MAML3: variants seen among roughly 807,000 people sequenced by gnomAD.
MAML3 encodes mastermind-like protein 3.
Under a neutral mutation model 101.9 loss-of-function variants are expected in MAML3, and 27 were observed. The observed-to-expected ratio is 0.27, with a 90% CI of 0.20 to 0.37. The LOEUF (loss-of-function observed/expected upper bound fraction) is 0.37. MAML3 is among the 10% of genes least tolerant of loss of function. MAML3 has a pLI of 1.00. For missense variants in MAML3, 1,316 were observed against 1,444.9 expected (o/e 0.91, Z 1.45); for synonymous variants, 501 against 555.9 (o/e 0.90, Z 1.39).
intron 1 of MAML3, among the ~76,000 whole-genome samples, chr4:140,043,342 T>C (rs565366438): frequency 6.6e-6 from 1 of 152,308 alleles, no homozygotes; most frequent in East Asian, 1.9e-4. Flanking sequence ...TTTCAATCTG[T>C]TTTCCTATAT....
chr4:140,019,020 C>T (rs940297737), intron 1 of MAML3, among the ~76,000 whole-genome samples: 7 of 149,720 alleles, frequency 4.7e-5, no homozygotes, highest in African/African-American at 1.7e-4. Flanking sequence ...AATTTTTTTT[C>T]TCTTTTCCAA....
At chr4:140,011,360 C>T (rs1429641474) in intron 1 of MAML3, among the ~76,000 whole-genome samples, 7 of 83,004 alleles carry the variant, frequency 8.4e-5, no homozygotes, top group African/African-American at 2.4e-4. Context: ...TTTTTTGAGA[C>T]GGAGTCTCCC....
intron 2 of MAML3, among the ~76,000 whole-genome samples, chr4:139,744,393 C>T (rs771825941): frequency 6.6e-5 from 10 of 152,144 alleles, no homozygotes; most frequent in Non-Finnish European, 1.2e-4. Flanking sequence ...AACCCACTTG[C>T]TTAATATGAT....
chr4:140,015,209 T>C (rs544445375), intron 1 of MAML3, among the ~76,000 whole-genome samples: 24 of 152,116 alleles, frequency 1.6e-4, no homozygotes, highest in South Asian at 2.1e-4. Flanking sequence ...TGTCTACTGA[T>C]GCACTTTTTA....
chr4:140,047,750 A>G (rs574114150), intron 1 of MAML3, among the ~76,000 whole-genome samples: 1 of 121,662 alleles, frequency 8.2e-6, no homozygotes. Flanking sequence ...CAGAAGATGG[A>G]CGCGCTGCTC....
intron 2 of MAML3, among the ~76,000 whole-genome samples, chr4:139,808,621 A>C (rs1730740218): frequency 6.6e-6 from 1 of 152,172 alleles, no homozygotes; most frequent in Admixed American, 6.5e-5. Context: ...GCAATGGATA[A>C]GCCTAACAAA....
chr4:139,926,929 A>C (rs1733275147), intron 1 of MAML3, among the ~76,000 whole-genome samples: 1 of 152,202 alleles, frequency 6.6e-6, no homozygotes. Context: ...TTCTCCATAG[A>C]GAAGTATTGC....
intron 1 of MAML3, among the ~76,000 whole-genome samples, chr4:139,983,865 C>T (rs1393180642): frequency 6.6e-6 from 1 of 152,130 alleles, no homozygotes; most frequent in Non-Finnish European, 1.5e-5. Flanking sequence ...ATGGTCAGCA[C>T]CCCCATGTGT....
intron 1 of MAML3, among the ~76,000 whole-genome samples, chr4:139,995,092 T>C (rs115094634): frequency 0.03 from 4,635 of 152,244 alleles, 226 homozygotes; most frequent in African/African-American, 0.1. Context: ...GTTTTTATCA[T>C]GGATGGGTGT....
intron 1 of MAML3, among the ~76,000 whole-genome samples, chr4:140,022,550 A>G (rs1726749008): frequency 1.3e-5 from 2 of 152,330 alleles, no homozygotes; most frequent in African/African-American, 4.8e-5. Context: ...CCAAAAGTGA[A>G]TATTAATAAC....
At chr4:140,042,483 A>C (rs1164787283) in intron 1 of MAML3, among the ~76,000 whole-genome samples, 1 of 151,964 alleles carries the variant, frequency 6.6e-6, no homozygotes, top group African/African-American at 2.4e-5. Flanking sequence ...AAATACAAAA[A>C]ATTAGCTGGG....
intron 2 of MAML3, among the ~76,000 whole-genome samples, chr4:139,754,932 T>C (rs1359977549): frequency 6.6e-6 from 1 of 152,232 alleles, no homozygotes; most frequent in Non-Finnish European, 1.5e-5. Context: ...GGAGCAGGCA[T>C]GGTCGGCCTC....
chr4:140,054,861 T>TG (rs1338440578), intron 1 of MAML3, among the ~76,000 whole-genome samples: 1 of 152,238 alleles, frequency 6.6e-6, no homozygotes, highest in Non-Finnish European at 1.5e-5. Context: ...GGTCAACCTA[T>TG]GCTAAAACAC....
chr4:139,763,203 C>T (rs1362224512), intron 2 of MAML3, among the ~76,000 whole-genome samples: 1 of 152,192 alleles, frequency 6.6e-6, no homozygotes, highest in African/African-American at 2.4e-5. Context: ...AGAGGAGATT[C>T]CTCCTGCCAC....
chr4:139,849,484 T>C (rs1731510696), intron 2 of MAML3, among the ~76,000 whole-genome samples: 1 of 152,176 alleles, frequency 6.6e-6, no homozygotes, highest in Non-Finnish European at 1.5e-5. Flanking sequence ...TCAAAGCTGA[T>C]AAACAGGTTA....
chr4:139,946,767 A>AG (rs957157104), intron 1 of MAML3, among the ~76,000 whole-genome samples: 1 of 152,124 alleles, frequency 6.6e-6, no homozygotes, highest in African/African-American at 2.4e-5. Flanking sequence ...TCCTGGCCTC[A>AG]GGGAGGTCAT....
intron 1 of MAML3, among the ~76,000 whole-genome samples, chr4:140,014,647 C>T (rs775309563): frequency 6.6e-6 from 1 of 152,132 alleles, no homozygotes; most frequent in Non-Finnish European, 1.5e-5. Context: ...TGCTGGGTGA[C>T]GTGGTAGGTT....
rs147790773 is a variant in MAML3 at position 139,910,700 on chromosome 4, G to T, written c.469-19733C>A. 3.9e-3 allele frequency among the ~76,000 whole-genome samples: 591 copies of T among 152,248 alleles called. 6 individuals are homozygous for T. The highest frequency in any genetic ancestry group is 0.01 in the Middle Eastern group (3 of 294). On this transcript the variant is annotated intron_variant, in intron 1 of 4. Coordinates refer to ENST00000509479, the MANE Select transcript of MAML3 (RefSeq NM_018717.5). ...GCAAGAAGGAAAAAAGGCATCATAG[G>T]TTGTATGTCATGAGGTGAAGTTAAA... is the stretch of plus-strand genomic sequence containing the variant.
intron 3 of MAML3, among the ~76,000 whole-genome samples, chr4:139,728,717 G>A (rs1252904085): frequency 6.6e-6 from 1 of 152,112 alleles, no homozygotes; most frequent in Non-Finnish European, 1.5e-5. Flanking sequence ...TGGATTCTGA[G>A]GGGTCTCCCC....
Sources: gnomAD v4.1 joint callset for allele counts (sites outside exome capture counted in the v4.1 genomes callset) on GRCh38, gnomAD v4.1.1 for gene constraint, MANE v1.5 for transcripts, NCBI Gene and HGNC (gene_info 2026-07-23, HGNC 2026-07-21) for gene names.